The following BRINP1 variants were observed in gnomAD, a reference collection of about 807,000 sequenced individuals.
BRINP1 encodes BMP/retinoic acid-inducible neural-specific protein 1.
A neutral mutation model predicts 72.9 loss-of-function variants in BRINP1; 17 were observed. The ratio of observed to expected loss-of-function variants is 0.23; its 90% confidence interval spans 0.16 to 0.35. BRINP1 has a LOEUF of 0.35. Among genes scored for constraint, BRINP1 ranks in the 10% least tolerant of loss-of-function variants. BRINP1 has a pLI of 1.00. For missense variants in BRINP1, 850 were observed against 1,001.6 expected, an observed-to-expected ratio of 0.85 and a Z score of 2.04; for synonymous variants, 418 against 378.5, an observed-to-expected ratio of 1.10 and a Z score of -1.21.
At chr9:119,282,330 T>A (rs1830720487) in intron 2 of BRINP1, among the ~76,000 whole-genome samples, 1 of 152,216 alleles carries the variant, frequency 6.6e-6, no homozygotes, top group African/African-American at 2.4e-5. Flanking sequence ...GGGTTGTAGC[T>A]GTGGCCCTGC....
At chr9:119,192,543 A>G (rs1309776378) in intron 7 of BRINP1, among the ~76,000 whole-genome samples, 2 of 152,002 alleles carry the variant, frequency 1.3e-5, no homozygotes, top group East Asian at 1.9e-4. Flanking sequence ...AAACCACTAT[A>G]CAATATTGCC....
chr9:119,349,044 AT>A (rs1456871261), intron 1 of BRINP1, among the ~76,000 whole-genome samples: 2 of 152,282 alleles, frequency 1.3e-5, no homozygotes, highest in African/African-American at 4.8e-5. Flanking sequence ...AGGTTGAAAC[AT>A]GGCAAAGAAA....
intron 5 of BRINP1, among the ~76,000 whole-genome samples, chr9:119,222,867 A>G (rs1830053760): frequency 6.6e-6 from 1 of 152,018 alleles, no homozygotes; most frequent in African/African-American, 2.4e-5. Flanking sequence ...CAACATGAAC[A>G]TGTTCTTGAA....
chr9:119,269,938 T>C lies in BRINP1; in HGVS notation c.219-20788A>G, dbSNP rs1830591380. On this transcript the variant is annotated intron_variant, in intron 2 of 7. Coordinates refer to ENST00000265922, the MANE Select transcript of BRINP1 (RefSeq NM_014618.3). ...ATAATAAATATTTTAAACAAGTAAATTAAAAAGTGTTACGTATTATGGAAA... is the reference window on the plus strand; with the variant it reads ...ATAATAAATATTTTAAACAAGTAAACTAAAAAGTGTTACGTATTATGGAAA... Among the ~76,000 whole-genome samples the C allele has an allele frequency of 2.6e-5, 4 of 151,976 alleles. No homozygotes were observed. The South Asian group carries it at 8.3e-4, about 32-fold the overall frequency.
intron 2 of BRINP1, among the ~76,000 whole-genome samples, chr9:119,280,802 G>A (rs1202632100): frequency 1.3e-5 from 2 of 152,124 alleles, no homozygotes; most frequent in African/African-American, 4.8e-5. Flanking sequence ...TCAGTACAAA[G>A]CAACATTAAA....
chr9:119,299,025 A>G (rs918847438), intron 2 of BRINP1, among the ~76,000 whole-genome samples: 6 of 152,166 alleles, frequency 3.9e-5, no homozygotes, highest in African/African-American at 1.4e-4. Flanking sequence ...TGGCTCAATC[A>G]AATTAATTAA....
chr9:119,356,703 G>C (rs1219250265), intron 1 of BRINP1, among the ~76,000 whole-genome samples: 8 of 151,786 alleles, frequency 5.3e-5, no homozygotes, highest in Admixed American at 4.6e-4. Context: ...TACTCAGGAG[G>C]CTGAGGCAAT....
intron 7 of BRINP1, among the ~76,000 whole-genome samples, chr9:119,180,552 A>C (rs1157696894): frequency 5.3e-5 from 8 of 151,950 alleles, no homozygotes; most frequent in Admixed American, 4.6e-4. Flanking sequence ...GAATACGTCA[A>C]GTCAGTGGTG....
intron 1 of BRINP1, among the ~76,000 whole-genome samples, chr9:119,357,820 T>C (rs747620142): frequency 6.6e-6 from 1 of 152,156 alleles, no homozygotes; most frequent in Admixed American, 6.5e-5. Flanking sequence ...AGATTTGCAA[T>C]GACTAACCTA....
intron 2 of BRINP1, chr9:119,283,256 T>G: frequency 5.2e-6 from 3 of 574,176 alleles, no homozygotes; most frequent in Non-Finnish European, 6.6e-6. Flanking sequence ...TGCCTCAGCA[T>G]CACCTGGCAG....
intron 7 of BRINP1, among the ~76,000 whole-genome samples, chr9:119,202,006 A>G (rs1829810171): frequency 1.3e-5 from 2 of 151,206 alleles, no homozygotes; most frequent in South Asian, 4.2e-4. Context: ...TTCCACCACT[A>G]TGCAATGCAG....
chr9:119,301,082 C>T (rs1830933725), intron 2 of BRINP1, among the ~76,000 whole-genome samples: 1 of 152,180 alleles, frequency 6.6e-6, no homozygotes, highest in African/African-American at 2.4e-5. Context: ...AGGGTCAGAA[C>T]CATTTATACA....
intron 2 of BRINP1, among the ~76,000 whole-genome samples, chr9:119,270,260 T>G (rs1269252370): frequency 6.6e-6 from 1 of 152,210 alleles, no homozygotes; most frequent in Admixed American, 6.5e-5. Flanking sequence ...TGTAAAGATG[T>G]TGGGTTTTGC....
intron 7 of BRINP1, among the ~76,000 whole-genome samples, chr9:119,205,876 G>C (rs989224733): frequency 6.6e-6 from 1 of 152,096 alleles, no homozygotes; most frequent in Non-Finnish European, 1.5e-5. Flanking sequence ...TCCTCAATCA[G>C]ATTTGCATCG....
intron 3 of BRINP1, among the ~76,000 whole-genome samples, chr9:119,246,197 G>A (rs1477803437): frequency 6.6e-6 from 1 of 152,194 alleles, no homozygotes; most frequent in African/African-American, 2.4e-5. Flanking sequence ...AATACTGAGT[G>A]TCAACTTCAT....
Position 119,313,350 on chromosome 9 carries a change from G to C in BRINP1, c.6C>G (p.Asn2Lys), listed in dbSNP as rs1831088766. Residue 2 changes from asparagine (N) to lysine (K), a missense_variant, in exon 2 of 8, where the codon AAC becomes AAG. By Grantham distance (94) the Asn-to-Lys change is moderately conservative (BLOSUM62 0). Coordinates refer to ENST00000265922, the MANE Select transcript of BRINP1 (RefSeq NM_014618.3). M[N>K]WRFVELLYFL... is the part of the protein sequence containing the mutation. ...AGTAGAGGAGCTCAACAAACCTCCA[G>C]TTCATGCTTTTCTGCCGGCCTTTTT... 1 of 1,613,512 alleles carries C rather than the reference G, an allele frequency of 6.2e-7. No homozygotes were observed. Among genetic ancestry groups the C allele is most frequent in the South Asian group, 1.1e-5 (1 of 91,066 alleles).
intron 2 of BRINP1, among the ~76,000 whole-genome samples, chr9:119,266,712 G>A (rs182355083): frequency 8.6e-4 from 131 of 152,240 alleles, no homozygotes; most frequent in African/African-American, 2.9e-3. Context: ...CTATGAATTC[G>A]ATTGTTCTAG....
chr9:119,225,293 T>C (rs941939149), intron 5 of BRINP1, among the ~76,000 whole-genome samples: 7 of 152,042 alleles, frequency 4.6e-5, no homozygotes, highest in South Asian at 2.1e-4. Flanking sequence ...ATACCACATA[T>C]TGTATGATTC....
intron 2 of BRINP1, among the ~76,000 whole-genome samples, chr9:119,275,415 T>A (rs1360084295): frequency 6.6e-6 from 1 of 152,178 alleles, no homozygotes; most frequent in Non-Finnish European, 1.5e-5. Flanking sequence ...TTTGACACCG[T>A]CCATCACAGT....
Sources: allele counts gnomAD v4.1 joint callset (sites outside exome capture counted in the v4.1 genomes callset), GRCh38; gene constraint gnomAD v4.1.1; transcripts MANE v1.5; gene names NCBI Gene and HGNC (gene_info 2026-07-23, HGNC 2026-07-21).